The following ERG variants were observed in gnomAD, a reference collection of about 807,000 sequenced individuals.
ERG encodes transcriptional regulator ERG.
ERG carries 9 observed loss-of-function variants against 55.3 expected under a neutral mutation model. The ratio of observed to expected loss-of-function variants is 0.16; its 90% CI spans 0.10 to 0.28. ERG has a LOEUF of 0.28. Among genes scored for constraint, ERG ranks in the 10% least tolerant of loss-of-function variants. The pLI is 1.00. For synonymous variants in ERG, 223 were observed against 237.3 expected, an observed-to-expected ratio of 0.94 and a Z score of 0.55; for missense variants, 434 against 631.6, an observed-to-expected ratio of 0.69 and a Z score of 3.35.
intron 1 of ERG, among the ~76,000 whole-genome samples, chr21:38,618,237 G>A (rs2060270110): frequency 6.6e-6 from 1 of 152,210 alleles, no homozygotes; most frequent in African/African-American, 2.4e-5. Context: ...GAGGCACTGA[G>A]TGGTGAAAAC....
At chr21:38,368,502 T>C in the ERG span, among the ~76,000 whole-genome samples, 3 of 152,160 alleles carry the variant, frequency 2.0e-5, no homozygotes, top group Admixed American at 6.6e-5. Flanking sequence ...ATTTCTTTTT[T>C]CTATATGCAT....
At chr21:38,567,426 T>A (rs1406214162) in intron 2 of ERG, among the ~76,000 whole-genome samples, 1 of 151,992 alleles carries the variant, frequency 6.6e-6, no homozygotes, top group African/African-American at 2.4e-5. Context: ...AAAATGAAAG[T>A]ACAAAAAACG....
At chr21:38,373,721 C>T in the ERG span, among the ~76,000 whole-genome samples, 1 of 152,136 alleles carries the variant, frequency 6.6e-6, no homozygotes, top group East Asian at 1.9e-4. Context: ...AAAGTCAGGG[C>T]CTGTGTTCTA....
chr21:38,600,301 G>A (rs116416275), intron 1 of ERG, among the ~76,000 whole-genome samples: 94 of 152,290 alleles, frequency 6.2e-4, no homozygotes, highest in African/African-American at 2.1e-3. Flanking sequence ...GGAAGTATTT[G>A]CCTGCAGGCC....
intron 2 of ERG, among the ~76,000 whole-genome samples, chr21:38,561,923 A>T (rs923972771): frequency 6.6e-6 from 1 of 152,234 alleles, no homozygotes; most frequent in East Asian, 1.9e-4. Context: ...CAGAAGTAAC[A>T]TGTACTCTCA....
At chr21:38,622,842 C>G (rs1165418071) in intron 1 of ERG, among the ~76,000 whole-genome samples, 1 of 149,302 alleles carries the variant, frequency 6.7e-6, no homozygotes, top group East Asian at 2.0e-4. Context: ...ACCATGTGCT[C>G]ATACATTCCA....
intron 1 of ERG, chr21:38,451,063 T>A (rs550737954): frequency 4.6e-6 from 2 of 437,696 alleles, no homozygotes; most frequent in East Asian, 1.4e-4. Flanking sequence ...TTAAGAAAAG[T>A]CACACGGTGG....
intron 4 of ERG, 81 bp downstream of exon 4, chr21:38,403,425 A>C: frequency 7.2e-7 from 1 of 1,385,188 alleles, no homozygotes; most frequent in Non-Finnish European, 1.0e-6. Flanking sequence ...TGCTGTCGAC[A>C]CACCTGGTTG....
chr21:38,493,517 T>C (rs1205186582), intron 1 of ERG, among the ~76,000 whole-genome samples: 1 of 152,214 alleles, frequency 6.6e-6, no homozygotes, highest in Non-Finnish European at 1.5e-5. Flanking sequence ...TTCTCTACCA[T>C]AAGAATTTTT....
chr21:38,579,658 C>T (rs79595200), intron 1 of ERG, among the ~76,000 whole-genome samples: 3,201 of 152,222 alleles, frequency 0.021, 44 homozygotes, highest in Middle Eastern at 0.031. Flanking sequence ...CTTCTCACAC[C>T]GCCACCACCA....
intron 2 of ERG, among the ~76,000 whole-genome samples, chr21:38,507,992 C>CATAA (rs1568866256): frequency 1.3e-5 from 2 of 150,714 alleles, no homozygotes; most frequent in Admixed American, 6.6e-5. Context: ...CACAGACACA[C>CATAA]ACACATGCAC....
At position 38,578,779 on chromosome 21, in the gene ERG, C is replaced by T. The variant is rs544095599; in HGVS notation, c.-126-3032G>A. ...GAATGGCCAACCCACAGGCTCATGG[C>T]TGAATAAGTGCTTACTGCTTGAAGC... On this transcript the variant is annotated intron_variant, in intron 1 of 8. Coordinates refer to the ERG transcript ENST00000398897. Among the ~76,000 whole-genome samples the T allele has an allele frequency of 2.0e-4, 31 of 152,278 alleles. 1 individual carries two copies. In the Middle Eastern group the frequency reaches 0.01, roughly 50 times the overall value.
At chr21:38,428,311 C>A (rs1009248473) in intron 2 of ERG, among the ~76,000 whole-genome samples, 4 of 152,180 alleles carry the variant, frequency 2.6e-5, no homozygotes, top group African/African-American at 9.7e-5. Flanking sequence ...ATCCACACTG[C>A]ACAAATGTGT....
upstream of ERG, among the ~76,000 whole-genome samples, chr21:38,503,096 C>T (rs17285252): frequency 0.034 from 5,240 of 152,288 alleles, 183 homozygotes; most frequent in East Asian, 0.2. Context: ...ACAGCTATAT[C>T]TTATAATACC....
intron 1 of ERG, among the ~76,000 whole-genome samples, chr21:38,485,793 G>A (rs1253868510): frequency 6.6e-6 from 1 of 151,820 alleles, no homozygotes; most frequent in East Asian, 1.9e-4. Context: ...GTAGTAGATA[G>A]TGATGTCCTA....
the ERG span, among the ~76,000 whole-genome samples, chr21:38,367,808 C>T: frequency 2.2e-4 from 33 of 152,270 alleles, no homozygotes; most frequent in Non-Finnish European, 4.3e-4. Flanking sequence ...TGTGGAATAA[C>T]GAAACCTACG....
intron 2 of ERG, among the ~76,000 whole-genome samples, chr21:38,426,893 G>A (rs1989853454): frequency 6.6e-6 from 1 of 150,708 alleles, no homozygotes; most frequent in African/African-American, 2.4e-5. Context: ...CCACGCCATT[G>A]CACCCCAGCC....
intron 2 of ERG, among the ~76,000 whole-genome samples, chr21:38,527,540 A>G (rs1323390657): frequency 2.0e-5 from 3 of 152,210 alleles, no homozygotes; most frequent in Admixed American, 1.3e-4. Flanking sequence ...GCTGATGATG[A>G]ACAGGGCTGT....
At chr21:38,578,664 A>G (rs923566314) in intron 1 of ERG, among the ~76,000 whole-genome samples, 4 of 151,960 alleles carry the variant, frequency 2.6e-5, no homozygotes, top group Admixed American at 2.6e-4. Flanking sequence ...CAATCACCCC[A>G]CCAAGACTAC....
Sources: gnomAD v4.1 joint callset for allele counts (sites outside exome capture counted in the v4.1 genomes callset) on GRCh38, gnomAD v4.1.1 for gene constraint, MANE v1.5 for transcripts, NCBI Gene and HGNC (gene_info 2026-07-23, HGNC 2026-07-21) for gene names.